XYLT1: variants seen among roughly 807,000 people sequenced by gnomAD.
XYLT1 encodes beta-D-xylosyltransferase 1.
A neutral mutation model predicts 91.3 loss-of-function variants in XYLT1; 36 were observed. The ratio of observed to expected loss-of-function variants is 0.39; its 90% CI spans 0.30 to 0.52. XYLT1 has a LOEUF of 0.52. Ranked by LOEUF, XYLT1 falls within the 20% of genes least tolerant of loss-of-function variation. The pLI, the probability that XYLT1 is intolerant of heterozygous loss-of-function variation, is 0.68. For missense variants in XYLT1, 1,242 were observed against 1,284.5 expected (o/e 0.97, Z 0.51); for synonymous variants, 588 against 532.0 (o/e 1.11, Z -1.45).
At chr16:17,109,931 A>G (rs1397780838) in intron 11 of XYLT1, among the ~76,000 whole-genome samples, 1 of 152,162 alleles carries the variant, frequency 6.6e-6, no homozygotes, top group African/African-American at 2.4e-5. Context: ...TCACTCTGAA[A>G]GCATGAAGCT....
chr16:17,328,799 C>T (rs552015345), intron 2 of XYLT1, among the ~76,000 whole-genome samples: 3 of 152,116 alleles, frequency 2.0e-5, no homozygotes, highest in Admixed American at 6.6e-5. Flanking sequence ...ACACATTCAG[C>T]GTACTCTATT....
intron 3 of XYLT1, chr16:17,250,113 T>C (rs78436277): frequency 0.028 from 4,293 of 152,328 alleles, 96 homozygotes; most frequent in Non-Finnish European, 0.043. Context: ...GTCTCTCCTA[T>C]TCAGGTAGAA....
intron 9 of XYLT1, among the ~76,000 whole-genome samples, chr16:17,132,751 A>AAATT (rs2030541141): frequency 6.6e-6 from 1 of 152,078 alleles, no homozygotes; most frequent in South Asian, 2.1e-4. Context: ...AAAAATACAA[A>AAATT]AATTAGCTGG....
At chr16:17,256,543 C>T (rs1300851371) in intron 3 of XYLT1, among the ~76,000 whole-genome samples, 6 of 150,486 alleles carry the variant, frequency 4.0e-5, no homozygotes, top group Non-Finnish European at 5.9e-5. Flanking sequence ...CCCAGTTACT[C>T]GGGAGGCTGA....
chr16:17,180,079 T>C (rs913731772), intron 5 of XYLT1, among the ~76,000 whole-genome samples: 2 of 152,110 alleles, frequency 1.3e-5, no homozygotes, highest in Non-Finnish European at 1.5e-5. Flanking sequence ...GCTGAGAGAT[T>C]AAAGGAGAAC....
chr16:17,240,917 C>T (rs1311443153), intron 3 of XYLT1, among the ~76,000 whole-genome samples: 1 of 152,170 alleles, frequency 6.6e-6, no homozygotes, highest in Non-Finnish European at 1.5e-5. Context: ...ACCCAGGATT[C>T]AACTCTAGAA....
At chr16:17,250,060 C>T (rs2033512592) in intron 3 of XYLT1, 1 of 152,232 alleles carries the variant, frequency 6.6e-6, no homozygotes, top group Non-Finnish European at 1.5e-5. Flanking sequence ...GAGTCATATC[C>T]AGACATTAGA....
At chr16:17,388,397 A>T in intron 1 of XYLT1, among the ~76,000 whole-genome samples, 1 of 152,292 alleles carries the variant, frequency 6.6e-6, no homozygotes, top group Non-Finnish European at 1.5e-5. Flanking sequence ...AGGACCAGAG[A>T]GAGTTCAGAT....
rs567729167 is a variant in XYLT1, at chr16:17,392,566, C to T, written c.364-34516G>A. Among the ~76,000 whole-genome samples the T allele has an allele frequency of 6.0e-4, 92 of 152,258 alleles. 2 individuals are homozygous for T. In the South Asian group the frequency reaches 0.014, roughly 23 times the overall value. On this transcript the variant is annotated intron_variant, in intron 1 of 11. Transcript: ENST00000261381. Reference sequence around the variant, plus strand: ...AAAAAATATTTATTGAATGAATAAACGACCATCGGAAGGAGAAAGGAAACC... The same window carrying T: ...AAAAAATATTTATTGAATGAATAAATGACCATCGGAAGGAGAAAGGAAACC...
chr16:17,317,074 G>A (rs957438612), intron 2 of XYLT1, among the ~76,000 whole-genome samples: 26 of 148,752 alleles, frequency 1.7e-4, no homozygotes, highest in African/African-American at 5.4e-4. Context: ...CGCCCGCCTC[G>A]GCCTCCCAAA....
intron 1 of XYLT1, among the ~76,000 whole-genome samples, chr16:17,381,830 T>TACAG (rs2035684856): frequency 6.6e-6 from 1 of 152,146 alleles, no homozygotes; most frequent in South Asian, 2.1e-4. Context: ...AAGGAAACAT[T>TACAG]ACAGAAGGAG....
At chr16:17,382,752 T>C (rs1037685730) in intron 1 of XYLT1, among the ~76,000 whole-genome samples, 1 of 151,816 alleles carries the variant, frequency 6.6e-6, no homozygotes, top group Non-Finnish European at 1.5e-5. Flanking sequence ...ACAGTCCCCA[T>C]ACTCCAGATA....
chr16:17,436,199 G>A (rs559414615), intron 1 of XYLT1, among the ~76,000 whole-genome samples: 13 of 152,276 alleles, frequency 8.5e-5, no homozygotes, highest in Admixed American at 6.5e-4. Flanking sequence ...AGAACTTCGA[G>A]TCAATTAAAT....
chr16:17,398,826 C>CCCA, intron 1 of XYLT1, among the ~76,000 whole-genome samples: 1 of 43,394 alleles, frequency 2.3e-5, no homozygotes, highest in Non-Finnish European at 4.8e-5. Flanking sequence ...CCGCCCCCCC[C>CCCA]CACTGTTTTT....
intron 1 of XYLT1, among the ~76,000 whole-genome samples, chr16:17,441,230 TTTATTG>T (rs948643452): frequency 6.6e-6 from 1 of 151,958 alleles, no homozygotes; most frequent in African/African-American, 2.4e-5. Flanking sequence ...AAAATTATCA[TTTATTG>T]TTATTATCAC....
At chr16:17,462,557 C>T (rs1488988572) in intron 1 of XYLT1, among the ~76,000 whole-genome samples, 5 of 152,172 alleles carry the variant, frequency 3.3e-5, no homozygotes, top group African/African-American at 1.2e-4. Flanking sequence ...CAAGATGATC[C>T]GCACTGCATG....
Position 17,309,276 on chromosome 16 carries a change from C to A in XYLT1, c.402+48736G>T, listed in dbSNP as rs566278706. Among the ~76,000 whole-genome samples the A allele has an allele frequency of 3.3e-5, 5 of 152,272 alleles. No homozygotes were observed. The South Asian group carries it at 6.2e-4, about 19-fold the overall frequency. On this transcript the variant is annotated intron_variant, in intron 2 of 11. Coordinates refer to ENST00000261381, the MANE Select transcript of XYLT1 (RefSeq NM_022166.4). Reference sequence around the variant, plus strand: ...TAGCATCCGTCCCCCGTAGTTGTAACAACTAAAAAAATGTCTCTGGACATT... The same window carrying A: ...TAGCATCCGTCCCCCGTAGTTGTAAAAACTAAAAAAATGTCTCTGGACATT...
At chr16:17,250,031 C>T (rs1239414035) in intron 3 of XYLT1, 8 of 152,286 alleles carry the variant, frequency 5.3e-5, no homozygotes, top group African/African-American at 9.7e-5. Flanking sequence ...TCCTGCTCAA[C>T]GTCTTCAAAT....
intron 1 of XYLT1, among the ~76,000 whole-genome samples, chr16:17,425,963 A>G (rs1436228271): frequency 2.0e-5 from 3 of 152,188 alleles, no homozygotes; most frequent in Admixed American, 6.5e-5. Context: ...TTCCATGTCT[A>G]TACGTGTATT....
Sources: allele counts gnomAD v4.1 joint callset (sites outside exome capture counted in the v4.1 genomes callset), GRCh38; gene constraint gnomAD v4.1.1; transcripts MANE v1.5; gene names NCBI Gene and HGNC (gene_info 2026-07-23, HGNC 2026-07-21).